The following PRR12 variants were observed in gnomAD, a reference collection of about 807,000 sequenced individuals.
PRR12 encodes the protein proline rich 12, also known as proline-rich protein 12.
Under a neutral mutation model 138.0 loss-of-function variants are expected in PRR12, and 12 were observed. That is an observed-to-expected ratio of 0.09 (90% CI 0.06 to 0.14). PRR12 has a LOEUF of 0.14. Among genes scored for constraint, PRR12 ranks in the 10% least tolerant of loss-of-function variants. PRR12 has a pLI of 1.00. For synonymous variants in PRR12, 1,567 were observed against 1,291.7 expected (o/e 1.21, Z -4.57); for missense variants, 2,692 against 2,861.3 (o/e 0.94, Z 1.35).
Position 49,596,635 on chromosome 19 carries a change from C to A in PRR12, c.2300C>A (p.Pro767Gln). 1 of 1,594,818 alleles carries A rather than the reference C, an allele frequency of 6.3e-7. No homozygotes were observed. The highest frequency in any genetic ancestry group is 1.7e-5 in the Admixed American group (1 of 57,658). ...GAFLQKSPPP[P>Q]PPTAQSTQPT... ...TTCTTGCAAAAGAGCCCTCCGCCCC[C>A]ACCTCCCACGGCCCAGTCTACCCAG... The change falls in exon 4 of 14, where the codon CCA becomes CAA. Residue 767 changes from proline (P) to glutamine (Q), a missense_variant. Physicochemically the swap from Pro to Gln is moderately conservative, Grantham distance 76 (BLOSUM62 -1). Around this residue, in one of 11 missense-constraint regions of PRR12, gnomAD observed 840 missense variants for 689.8 expected, o/e 1.22. Transcript: ENST00000418929. The surrounding 1 kb of genome is among the most constrained non-coding windows in gnomAD (Gnocchi z 5.6).
In PRR12 at chr19:49,596,825, T is replaced by G; in HGVS notation, c.2490T>G (p.Asp830Glu). ...GVHLLEPATR[D>E]GAPQPPPPPP... ...ACCTCCTTGAGCCAGCCACCCGCGATGGGGCACCCCAGCCACCTCCACCGC... is the reference window on the plus strand; with the variant it reads ...ACCTCCTTGAGCCAGCCACCCGCGAGGGGGCACCCCAGCCACCTCCACCGC... Residue 830 changes from aspartate (D) to glutamate (E), a missense_variant, in exon 4 of 14, where the codon GAT becomes GAG. This residue lies in a region of PRR12 where 840 missense variants were observed against 689.8 expected (regional missense o/e 1.22). Coordinates refer to ENST00000418929, the MANE Select transcript of PRR12 (RefSeq NM_020719.3). The surrounding 1 kb of genome is among the most constrained non-coding windows in gnomAD (Gnocchi z 5.6). 6.3e-7 allele frequency: 1 copy of G among 1,597,182 alleles called. No individual in the cohort carries two copies. Among genetic ancestry groups the G allele is most frequent in the South Asian group, 1.1e-5 (1 of 90,806 alleles).
At chr19:49,598,377 C>T (rs1004803850) in intron 4 of PRR12, among the ~76,000 whole-genome samples, 15 of 152,070 alleles carry the variant, frequency 9.9e-5, no homozygotes, top group African/African-American at 3.1e-4. Context: ...CCCGGCCTCC[C>T]GATGTTTTGA....
At position 49,594,220 on chromosome 19, in the gene PRR12, T is replaced by C. The variant is rs1380276068; in HGVS notation, c.200-234T>C. On this transcript the variant is annotated intron_variant, in intron 2 of 13. Transcript: ENST00000418929. The surrounding 1 kb of genome is among the most constrained non-coding windows in gnomAD (Gnocchi z 5.6). ...TCTACCATTTCCTACCTGGGCCCCCTGTCCTTATGACTGGATTGCCCCTTG... is the reference window on the plus strand; with the variant it reads ...TCTACCATTTCCTACCTGGGCCCCCCGTCCTTATGACTGGATTGCCCCTTG... 1.3e-5 allele frequency among the ~76,000 whole-genome samples: 2 copies of C among 152,164 alleles called. No individual in the cohort carries two copies.
chr19:49,602,026 G>T (rs866223801), intron 6 of PRR12, 108 bp downstream of exon 6: 41 of 1,379,000 alleles, frequency 3.0e-5, no homozygotes, highest in Non-Finnish European at 4.0e-5. Context: ...TCCAGTCGTG[G>T]CCGGGCCGCC....
In PRR12 at chr19:49,599,597, C is replaced by A. The variant is rs1183872930; in HGVS notation, c.4004C>A (p.Pro1335His). The A allele has an allele frequency of 6.3e-7, 1 of 1,597,884 alleles. No individual in the cohort carries two copies. The highest frequency in any genetic ancestry group is 1.1e-5 in the South Asian group (1 of 89,588). ...QPPATPAVPH[P>H]PPSGAFGLGG... ...CCTGCCACCCCTGCTGTGCCACATC[C>A]CCCACCTTCCGGAGCCTTTGGGCTT... Residue 1335 changes from proline to histidine, a missense_variant, in exon 5 of 14, where the codon CCC (proline) becomes CAC (histidine). Physicochemically the swap from Pro to His is moderately conservative, Grantham distance 77. Around this residue, in one of 11 missense-constraint regions of PRR12, gnomAD observed 326 missense variants for 344.2 expected, o/e 0.95. Coordinates refer to ENST00000418929, the MANE Select transcript of PRR12 (RefSeq NM_020719.3). This position sits in a 1 kb window ranked among gnomAD's most constrained non-coding sequence, Gnocchi z 5.0.
chr19:49,596,128 C>T lies in PRR12; in HGVS notation c.1793C>T (p.Pro598Leu), dbSNP rs755871268. The T allele has an allele frequency of 6.2e-7, 1 of 1,604,906 alleles. No individual in the cohort carries two copies. Among genetic ancestry groups the T allele is most frequent in the Non-Finnish European group, 8.5e-7 (1 of 1,179,764 alleles). The change falls in exon 4 of 14, where the codon CCT becomes CTT. Residue 598 changes from proline (P) to leucine (L), a missense_variant. Coordinates refer to ENST00000418929, the MANE Select transcript of PRR12 (RefSeq NM_020719.3). The surrounding 1 kb of genome is among the most constrained non-coding windows in gnomAD (Gnocchi z 5.6). ...CTGAGCTCAGTCTTGGCCTCAGCGC[C>T]TTTCCTGGCACCTCCGGGAGCTGGC... is the stretch of plus-strand genomic sequence containing the variant. ...KYLSSVLASAPFLAPPGAGSY... is the reference protein window; with the variant it reads ...KYLSSVLASALFLAPPGAGSY...
Position 49,599,236 on chromosome 19 carries a change from TACTGGGC to T in PRR12, c.3679-35_3679-29del. ...GGAGGATGGGACTGGGGGCCCAGGC[TACTGGGC>T]CCTCACGGCCCGCCACTCCCATGTC... On this transcript the variant is annotated intron_variant, in intron 4 of 13. Coordinates refer to ENST00000418929, the MANE Select transcript of PRR12 (RefSeq NM_020719.3). The surrounding 1 kb of genome is among the most constrained non-coding windows in gnomAD (Gnocchi z 5.0). 2 of 1,515,212 alleles carry T rather than the reference TACTGGGC, an allele frequency of 1.3e-6. No homozygotes were observed. Among genetic ancestry groups the T allele is most frequent in the Non-Finnish European group, 1.8e-6 (2 of 1,133,718 alleles). The allele number at this position is 1,515,212 out of a possible 1,614,324, so 93.9% of individuals were successfully genotyped here.
Position 49,612,912 on chromosome 19 carries a change from C to T in PRR12, c.4774-1621C>T, listed in dbSNP as rs376023223. ...CTCCCGACCTCAAGTGATCCCACCT[C>T]GGCCTCCCAAAATGTTGGGATTAAA... On this transcript the variant is annotated intron_variant, in intron 6 of 13. Coordinates refer to ENST00000418929, the MANE Select transcript of PRR12 (RefSeq NM_020719.3). Among the ~76,000 whole-genome samples, 17 of 152,040 alleles carry T rather than the reference C, an allele frequency of 1.1e-4. 2 individuals carry two copies. The South Asian group carries it at 2.5e-3, about 22-fold the overall frequency.
rs1342621444 is a variant in PRR12 at position 49,596,802 on chromosome 19, C to T, written c.2467C>T (p.Leu823Phe). 6.2e-7 allele frequency: 1 copy of T among 1,600,514 alleles called. No individual in the cohort carries two copies. Among genetic ancestry groups the T allele is most frequent in the East Asian group, 2.2e-5 (1 of 44,828 alleles). ...CAGCGCCTCCAAAGTCGGCGTCCAC[C>T]TCCTTGAGCCAGCCACCCGCGATGG... ...SPSASKVGVH[L>F]LEPATRDGAP... is the part of the protein sequence containing the mutation. The change falls in exon 4 of 14, where the codon CTC becomes TTC. Residue 823 changes from leucine to phenylalanine, a missense_variant. Coordinates refer to ENST00000418929, the MANE Select transcript of PRR12 (RefSeq NM_020719.3). This position sits in a 1 kb window ranked among gnomAD's most constrained non-coding sequence, Gnocchi z 5.6.
chr19:49,592,805 C>T (rs1395913216), intron 1 of PRR12, among the ~76,000 whole-genome samples: 2 of 152,122 alleles, frequency 1.3e-5, no homozygotes, highest in East Asian at 3.9e-4. Flanking sequence ...TTCTCTCCAC[C>T]CCCCAAACCG....
At position 49,597,164 on chromosome 19, in the gene PRR12, G is replaced by T; in HGVS notation, c.2829G>T (p.Glu943Asp). The change falls in exon 4 of 14, where the codon GAG (glutamate) becomes GAT (aspartate). Residue 943 changes from glutamate (E) to aspartate (D), a missense_variant. Physicochemically the swap from Glu to Asp is conservative, Grantham distance 45. Coordinates refer to ENST00000418929, the MANE Select transcript of PRR12 (RefSeq NM_020719.3). The surrounding 1 kb of genome is among the most constrained non-coding windows in gnomAD (Gnocchi z 6.3). ...CTGACTCCTTGCTCCAAGACGAGGA[G>T]CGCAGCTTCTTCCCCACCATGGAGG... Reference protein sequence around the residue: ...CFPDSLLQDEERSFFPTMEEM... With the variant: ...CFPDSLLQDEDRSFFPTMEEM... The T allele has an allele frequency of 6.4e-7, 1 of 1,552,578 alleles. No individual in the cohort carries two copies. The highest frequency in any genetic ancestry group is 8.7e-7 in the Non-Finnish European group (1 of 1,148,126).
intron 6 of PRR12, among the ~76,000 whole-genome samples, chr19:49,611,584 G>C (rs1335269012): frequency 6.7e-6 from 1 of 149,944 alleles, no homozygotes; most frequent in Non-Finnish European, 1.5e-5. Flanking sequence ...ATTTCAGTGA[G>C]CTGAAATCAC....
Position 49,615,945 on chromosome 19 carries a change from A to G in PRR12, c.5223A>G (p.Glu1741=). 1.9e-6 allele frequency: 3 copies of G among 1,554,006 alleles called. No individual in the cohort carries two copies. Among genetic ancestry groups the G allele is most frequent in the Non-Finnish European group, 2.6e-6 (3 of 1,148,386 alleles). ...KPSLLRPVEK[E]KEKEKVTRGE... ...CCCTCCTGCGGCCTGTTGAGAAGGA[A>G]AAGGAGAAGGAGAAGGTGACACGTG... The change falls in exon 9 of 14, where the codon GAA becomes GAG. Residue 1741 remains glutamate (E), a synonymous_variant. Coordinates refer to ENST00000418929, the MANE Select transcript of PRR12 (RefSeq NM_020719.3).
chr19:49,617,272 A>G (rs147282853), intron 9 of PRR12, among the ~76,000 whole-genome samples: 1 of 152,168 alleles, frequency 6.6e-6, no homozygotes, highest in African/African-American at 2.4e-5. Context: ...ACATTTGCAC[A>G]CAGGCTTACT....
chr19:49,600,570 TTGAGCCCAGGAGG>T (rs2080804732), intron 5 of PRR12, among the ~76,000 whole-genome samples: 1 of 151,864 alleles, frequency 6.6e-6, no homozygotes, highest in South Asian at 2.1e-4. Context: ...GGAGGATCGC[TTGAGCCCAGGAGG>T]TTGAGGCTGC....
At position 49,596,549 on chromosome 19, in the gene PRR12, C is replaced by T; in HGVS notation, c.2214C>T (p.Thr738=). ...AAGGGCCAGAGCGGGGTGGCGAGAC[C>T]CCCGAGGGGCTGGCCACCTCTGTTG... ...KKKGPERGGE[T]PEGLATSVVH... Residue 738 remains threonine (T), a synonymous_variant, in exon 4 of 14, where the codon ACC becomes ACT. Transcript: ENST00000418929. The surrounding 1 kb of genome is among the most constrained non-coding windows in gnomAD (Gnocchi z 5.6). 1 of 1,606,312 alleles carries T rather than the reference C, an allele frequency of 6.2e-7. No homozygotes were observed. The highest frequency in any genetic ancestry group is 1.7e-4 in the Middle Eastern group (1 of 5,990).
In PRR12 at chr19:49,597,349, C is replaced by T; in HGVS notation, c.3014C>T (p.Thr1005Ile). 3.9e-6 allele frequency: 6 copies of T among 1,540,312 alleles called. No homozygotes were observed. The highest frequency in any genetic ancestry group is 5.2e-6 in the Non-Finnish European group (6 of 1,147,246). ...CGGGCGTCGGGAGCCGGGCCCGAGA[C>T]ACCGGGCCTGGGCCTGGACCCCAAC... ...PGRASGAGPE[T>I]PGLGLDPNKP... The change falls in exon 4 of 14, where the codon ACA (threonine) becomes ATA (isoleucine). Residue 1005 changes from threonine to isoleucine, a missense_variant. Coordinates refer to ENST00000418929, the MANE Select transcript of PRR12 (RefSeq NM_020719.3). This position sits in a 1 kb window ranked among gnomAD's most constrained non-coding sequence, Gnocchi z 6.3.
chr19:49,612,912 C>G (rs376023223), intron 6 of PRR12, among the ~76,000 whole-genome samples: 21 of 151,924 alleles, frequency 1.4e-4, no homozygotes, highest in Admixed American at 9.9e-4. Context: ...GATCCCACCT[C>G]GGCCTCCCAA....
Position 49,596,031 on chromosome 19 carries a change from C to G in PRR12, c.1696C>G (p.Arg566Gly), listed in dbSNP as rs758967258. 3 of 1,601,380 alleles carry G rather than the reference C, an allele frequency of 1.9e-6. No individual in the cohort carries two copies. The highest frequency in any genetic ancestry group is 1.3e-5 in the African/African-American group (1 of 74,924). ...GGEASPSHII[R>G]PLQSPPATGR... Reference sequence around the variant, plus strand: ...TGAGGCCAGCCCATCTCACATCATTCGTCCGCTCCAGTCACCGCCTGCCAC... The same window carrying G: ...TGAGGCCAGCCCATCTCACATCATTGGTCCGCTCCAGTCACCGCCTGCCAC... Residue 566 changes from arginine (R) to glycine (G), a missense_variant, in exon 4 of 14, where the codon CGT (arginine) becomes GGT (glycine). Around this residue, in one of 11 missense-constraint regions of PRR12, gnomAD observed 66 missense variants for 102.4 expected, o/e 0.64. Transcript: ENST00000418929. The surrounding 1 kb of genome is among the most constrained non-coding windows in gnomAD (Gnocchi z 5.6).
Sources: gnomAD v4.1 joint callset for allele counts (sites outside exome capture counted in the v4.1 genomes callset) on GRCh38, gnomAD v4.1.1 for gene constraint, gnomAD v4.1.1 regional missense constraint, Gnocchi (gnomAD v3.1) non-coding constraint, MANE v1.5 for transcripts, NCBI Gene and HGNC (gene_info 2026-07-23, HGNC 2026-07-21) for gene names.